Variants in CNTNAP5 observed in about 807,000 individuals in gnomAD.
The protein encoded by CNTNAP5 is contactin associated protein family member 5.
Under a neutral mutation model 150.2 loss-of-function variants are expected in CNTNAP5, and 72 were observed. The ratio of observed to expected loss-of-function variants is 0.48; its 90% CI spans 0.40 to 0.58. The LOEUF (loss-of-function observed/expected upper bound fraction) is 0.58, where lower values mean the gene tolerates loss of function less well. CNTNAP5 is among the 20% of genes least tolerant of loss of function. CNTNAP5 has a pLI of 0.00. For missense variants in CNTNAP5, 1,636 were observed against 1,626.2 expected (o/e 1.01, Z -0.10); for synonymous variants, 672 against 619.8 (o/e 1.08, Z -1.25).
intron 3 of CNTNAP5, among the ~76,000 whole-genome samples, chr2:124,315,076 C>T (rs1688930907): frequency 6.6e-6 from 1 of 151,770 alleles, no homozygotes. Context: ...AAGTCCTGGG[C>T]TCAAGCCTCC....
intron 19 of CNTNAP5, among the ~76,000 whole-genome samples, chr2:124,832,665 A>G (rs1682740483): frequency 6.6e-6 from 1 of 151,974 alleles, no homozygotes; most frequent in Non-Finnish European, 1.5e-5. Context: ...TAATACTTCA[A>G]TGATTACATT....
At chr2:124,190,063 G>C (rs1047023138) in intron 1 of CNTNAP5, among the ~76,000 whole-genome samples, 1 of 152,158 alleles carries the variant, frequency 6.6e-6, no homozygotes, top group African/African-American at 2.4e-5. Context: ...TCTCCAAAGA[G>C]AAAAGAAGAT....
chr2:124,702,862 A>G (rs1476013296), intron 13 of CNTNAP5, among the ~76,000 whole-genome samples: 4 of 152,082 alleles, frequency 2.6e-5, no homozygotes, highest in Middle Eastern at 3.2e-3. Context: ...TCTGTTCCTC[A>G]TTTTGTCATT....
intron 19 of CNTNAP5, among the ~76,000 whole-genome samples, chr2:124,852,790 A>G (rs1683183983): frequency 6.6e-6 from 1 of 152,228 alleles, no homozygotes; most frequent in Non-Finnish European, 1.5e-5. Context: ...GCAAAGATGC[A>G]CAATGTATTT....
rs531541565 is a variant in CNTNAP5 at position 124,705,725 on chromosome 2, T to C, written c.2078-41504T>C. On this transcript the variant is annotated intron_variant, in intron 13 of 23. Transcript: ENST00000682447. ...AGAGTATGAATAGCATAAAAATGAGTAGCGTAAAAATCTGAGCAAAGTATT... is the reference window on the plus strand; with the variant it reads ...AGAGTATGAATAGCATAAAAATGAGCAGCGTAAAAATCTGAGCAAAGTATT... 2.7e-4 allele frequency among the ~76,000 whole-genome samples: 40 copies of C among 149,150 alleles called. 2 individuals carry two copies. The South Asian group carries it at 8.4e-3, about 31-fold the overall frequency.
At chr2:124,625,801 C>A (rs988662861) in intron 12 of CNTNAP5, among the ~76,000 whole-genome samples, 3 of 152,144 alleles carry the variant, frequency 2.0e-5, no homozygotes. Flanking sequence ...AGCTGCTGGT[C>A]CACACACAAA....
intron 2 of CNTNAP5, among the ~76,000 whole-genome samples, chr2:124,226,175 T>C (rs1160744838): frequency 1.3e-5 from 2 of 151,958 alleles, no homozygotes; most frequent in African/African-American, 4.8e-5. Context: ...TTTTTTTTTT[T>C]AGAAACCTCC....
chr2:124,226,176 A>G (rs958909888), intron 2 of CNTNAP5, among the ~76,000 whole-genome samples: 15 of 148,066 alleles, frequency 1.0e-4, no homozygotes, highest in Non-Finnish European at 2.1e-4. Flanking sequence ...TTTTTTTTTT[A>G]GAAACCTCCA....
At chr2:124,576,085 C>T (rs963332272) in intron 11 of CNTNAP5, among the ~76,000 whole-genome samples, 1 of 152,116 alleles carries the variant, frequency 6.6e-6, no homozygotes, top group African/African-American at 2.4e-5. Context: ...CTTGGCATAG[C>T]TGTAGTTCCA....
At chr2:124,645,157 T>A (rs1678177547) in intron 12 of CNTNAP5, among the ~76,000 whole-genome samples, 1 of 152,246 alleles carries the variant, frequency 6.6e-6, no homozygotes, top group African/African-American at 2.4e-5. Flanking sequence ...TATACTGGTA[T>A]GAATAACATT....
At chr2:124,766,538 A>G (rs142008409) in intron 16 of CNTNAP5, among the ~76,000 whole-genome samples, 3 of 152,306 alleles carry the variant, frequency 2.0e-5, no homozygotes, top group African/African-American at 7.2e-5. Context: ...TGGTAGTTTT[A>G]ACCTCCTTTT....
chr2:124,105,244 A>G lies in CNTNAP5; in HGVS notation c.82+79512A>G, dbSNP rs572248226. On this transcript the variant is annotated intron_variant, in intron 1 of 23. Transcript: ENST00000682447. ...TCATAATCTCTTCAGCCAATCTTCCACTAATAGACATTTAGACTGTGACTA... is the reference window on the plus strand; with the variant it reads ...TCATAATCTCTTCAGCCAATCTTCCGCTAATAGACATTTAGACTGTGACTA... 2.0e-4 allele frequency among the ~76,000 whole-genome samples: 31 copies of G among 152,332 alleles called. No homozygotes were observed. The South Asian group carries it at 2.9e-3, about 14-fold the overall frequency.
chr2:124,534,440 T>G lies in CNTNAP5; in HGVS notation c.1649+6984T>G, dbSNP rs576551975. ...AACAAGAGGTAGATTATTCATGAGT[T>G]TTTCAGGAAAGGGACAGACAATTCC... On this transcript the variant is annotated intron_variant, in intron 10 of 23. Coordinates refer to ENST00000682447, the MANE Select transcript of CNTNAP5 (RefSeq NM_001367498.1). Among the ~76,000 whole-genome samples the G allele has an allele frequency of 3.3e-5, 5 of 152,284 alleles. No individual in the cohort carries two copies. The East Asian group carries it at 9.7e-4, about 29-fold the overall frequency.
chr2:124,604,377 G>T (rs1425883756), intron 11 of CNTNAP5, among the ~76,000 whole-genome samples: 1 of 151,766 alleles, frequency 6.6e-6, no homozygotes, highest in Non-Finnish European at 1.5e-5. Flanking sequence ...AATTTTTTTG[G>T]TAGGATACAT....
At chr2:124,467,815 T>C (rs948394666) in intron 6 of CNTNAP5, among the ~76,000 whole-genome samples, 11 of 152,184 alleles carry the variant, frequency 7.2e-5, no homozygotes, top group African/African-American at 2.4e-4. Flanking sequence ...AAAACGGTTT[T>C]GCTTCTTTTC....
chr2:124,405,617 A>T (rs999390191), intron 3 of CNTNAP5, among the ~76,000 whole-genome samples: 27 of 152,238 alleles, frequency 1.8e-4, no homozygotes, highest in Non-Finnish European at 2.6e-4. Context: ...AAGATAAAAC[A>T]GCCTACCTAC....
intron 3 of CNTNAP5, among the ~76,000 whole-genome samples, chr2:124,331,949 T>C (rs1363181087): frequency 1.3e-5 from 2 of 151,988 alleles, no homozygotes; most frequent in Admixed American, 6.5e-5. Context: ...AGTGTACTTT[T>C]GATATTAAAG....
chr2:124,451,045 AAAAAAAAT>A (rs1246320202), intron 6 of CNTNAP5, among the ~76,000 whole-genome samples: 73 of 75,312 alleles, frequency 9.7e-4, no homozygotes, highest in Non-Finnish European at 1.5e-3. Flanking sequence ...AAAAAAAAAA[AAAAAAAAT>A]ATATATATAT....
At chr2:124,380,861 G>A (rs558774077) in intron 3 of CNTNAP5, among the ~76,000 whole-genome samples, 5 of 152,236 alleles carry the variant, frequency 3.3e-5, no homozygotes, top group African/African-American at 1.2e-4. Context: ...AAGGAAACAA[G>A]CATGCTCTAA....
Sources: gnomAD v4.1 joint callset for allele counts (sites outside exome capture counted in the v4.1 genomes callset) on GRCh38, gnomAD v4.1.1 for gene constraint, MANE v1.5 for transcripts, NCBI Gene and HGNC (gene_info 2026-07-23, HGNC 2026-07-21) for gene names.